The following RAB6B variants were observed in gnomAD, a reference collection of about 807,000 sequenced individuals.
RAB6B encodes the protein ras-related protein Rab-6B.
In RAB6B, 7 loss-of-function variants were observed where a neutral mutation model predicts 31.2. The observed-to-expected ratio is 0.22, with a 90% CI of 0.13 to 0.42. The LOEUF (loss-of-function observed/expected upper bound fraction) is 0.42, where lower values mean the gene tolerates loss of function less well. Ranked by LOEUF, RAB6B falls within the 10% of genes least tolerant of loss-of-function variation. The probability of loss-of-function intolerance (pLI) is 1.00; values close to 1 mark genes in which losing one functional copy is unlikely to be tolerated. For missense variants in RAB6B, 149 were observed against 280.6 expected (o/e 0.53, Z 3.35); for synonymous variants, 105 against 104.9 (o/e 1.00, Z -0.01).
At chr3:133,865,326 C>T (rs886137848) in intron 1 of RAB6B, among the ~76,000 whole-genome samples, 1 of 152,270 alleles carries the variant, frequency 6.6e-6, no homozygotes, top group Admixed American at 6.5e-5. Flanking sequence ...GACACCCCAA[C>T]TGAGAACAAC....
chr3:133,862,658 T>G lies in RAB6B; in HGVS notation c.129+1926A>C, dbSNP rs80082397. ...GGGCAGTAGGAGCAGGGAAGTCGGC[T>G]GGACCACAGGATGGGGGACAAGCAG... On this transcript the variant is annotated intron_variant, in intron 2 of 7. Transcript: ENST00000285208. Among the ~76,000 whole-genome samples the G allele has an allele frequency of 2.6e-3, 392 of 152,214 alleles. 13 individuals carry two copies. The East Asian group carries it at 0.059, about 23-fold the overall frequency.
intron 7 of RAB6B, among the ~76,000 whole-genome samples, chr3:133,834,212 C>G (rs142205575): frequency 1.9e-3 from 283 of 152,208 alleles, no homozygotes; most frequent in African/African-American, 6.5e-3. Context: ...GATCATATCC[C>G]CAGTGACAGA....
At chr3:133,891,028 T>TGGGAGG (rs1936630831) in intron 1 of RAB6B, among the ~76,000 whole-genome samples, 1 of 151,808 alleles carries the variant, frequency 6.6e-6, no homozygotes, top group African/African-American at 2.4e-5. Flanking sequence ...TGGAAATTGG[T>TGGGAGG]GGGAGGAGGA....
intron 1 of RAB6B, 76 bp downstream of exon 1, chr3:133,895,321 G>A (rs2108020117): frequency 6.7e-7 from 1 of 1,491,306 alleles, no homozygotes; most frequent in East Asian, 2.3e-5. Context: ...CCTGGGCCGG[G>A]GGTCCCAATG....
chr3:133,892,778 C>A (rs1936654421), intron 1 of RAB6B, among the ~76,000 whole-genome samples: 1 of 152,212 alleles, frequency 6.6e-6, no homozygotes, highest in African/African-American at 2.4e-5. Flanking sequence ...CGAGCCAGGG[C>A]CAGCGTGAGG....
intron 2 of RAB6B, among the ~76,000 whole-genome samples, chr3:133,862,647 G>C (rs1412225550): frequency 1.3e-5 from 2 of 152,186 alleles, no homozygotes; most frequent in Non-Finnish European, 2.9e-5. Context: ...AGTAGGAGCA[G>C]GGAAGTCGGC....
chr3:133,892,555 C>A (rs1936651052), intron 1 of RAB6B, among the ~76,000 whole-genome samples: 1 of 152,140 alleles, frequency 6.6e-6, no homozygotes, highest in African/African-American at 2.4e-5. Flanking sequence ...AATCCATTGC[C>A]CTTGCCCACC....
Position 133,858,310 on chromosome 3 carries a change from C to T in RAB6B, c.129+6274G>A, listed in dbSNP as rs187005936. 2.2e-3 allele frequency among the ~76,000 whole-genome samples: 332 copies of T among 152,350 alleles called. 4 individuals carry two copies. The highest frequency in any genetic ancestry group is 7.3e-3 in the African/African-American group (305 of 41,576). Reference sequence around the variant, plus strand: ...TAATGAATCCAGCCTGAATTACATTCATCTCTATACCAATGTAGCTGTAAA... The same window carrying T: ...TAATGAATCCAGCCTGAATTACATTTATCTCTATACCAATGTAGCTGTAAA... On this transcript the variant is annotated intron_variant, in intron 2 of 7. Coordinates refer to ENST00000285208, the MANE Select transcript of RAB6B (RefSeq NM_016577.4).
At chr3:133,859,520 T>C (rs573187462) in intron 2 of RAB6B, among the ~76,000 whole-genome samples, 1 of 152,202 alleles carries the variant, frequency 6.6e-6, no homozygotes. Context: ...GTTTTCATCA[T>C]TGGGTCCTAC....
rs1935565493 is a variant in RAB6B, at chr3:133,826,486, G to C, written c.*2302C>G. On this transcript the variant is annotated 3_prime_UTR_variant, in exon 8 of 8. Coordinates refer to ENST00000285208, the MANE Select transcript of RAB6B (RefSeq NM_016577.4). Reference sequence around the variant, plus strand: ...ACCCAGTGCAGATTCCTGTAAATGGGGCGGTCTCAGAGGCCACAGGTGATG... The same window carrying C: ...ACCCAGTGCAGATTCCTGTAAATGGCGCGGTCTCAGAGGCCACAGGTGATG... 1 of 152,644 alleles carries C rather than the reference G, an allele frequency of 6.6e-6. No individual in the cohort carries two copies. Among genetic ancestry groups the C allele is most frequent in the Admixed American group, 6.5e-5 (1 of 15,290 alleles). 9.5% of individuals were successfully genotyped at this position (152,644 alleles called of 1,614,324 possible). A position where few individuals can be genotyped will look rare whatever the true frequency, so the allele number is the denominator to read the frequency against.
chr3:133,883,129 G>A (rs866706395), intron 1 of RAB6B, among the ~76,000 whole-genome samples: 1 of 152,216 alleles, frequency 6.6e-6, no homozygotes, highest in East Asian at 1.9e-4. Flanking sequence ...ACTCACAGCA[G>A]CCCAGAGACA....
At chr3:133,851,402 G>T (rs1935982528) in intron 2 of RAB6B, among the ~76,000 whole-genome samples, 1 of 152,230 alleles carries the variant, frequency 6.6e-6, no homozygotes, top group South Asian at 2.1e-4. Flanking sequence ...TGGAGCCAAA[G>T]AACTGATAAA....
At chr3:133,883,923 G>A (rs1437384876) in intron 1 of RAB6B, among the ~76,000 whole-genome samples, 1 of 152,206 alleles carries the variant, frequency 6.6e-6, no homozygotes, top group African/African-American at 2.4e-5. Flanking sequence ...AGAGGAGGCT[G>A]GAAGAGGTCA....
chr3:133,862,228 T>C (rs934672758), intron 2 of RAB6B, among the ~76,000 whole-genome samples: 1 of 152,154 alleles, frequency 6.6e-6, no homozygotes, highest in African/African-American at 2.4e-5. Context: ...CCTCTTGATC[T>C]GATGGGTCTA....
intron 2 of RAB6B, among the ~76,000 whole-genome samples, chr3:133,864,136 G>A (rs1453473669): frequency 6.7e-5 from 10 of 149,128 alleles, no homozygotes; most frequent in East Asian, 4.1e-4. Context: ...GTGTGTGTGC[G>A]CGCGTGTGTG....
chr3:133,845,267 C>T (rs1417234835), intron 2 of RAB6B, among the ~76,000 whole-genome samples: 2 of 152,228 alleles, frequency 1.3e-5, no homozygotes, highest in Non-Finnish European at 2.9e-5. Flanking sequence ...TTAAAAGGCA[C>T]ATCCTTTGGG....
At chr3:133,836,394 C>CTCTAGGATCAGGTATGTGTT (rs1935735283) in intron 6 of RAB6B, among the ~76,000 whole-genome samples, 2 of 151,568 alleles carry the variant, frequency 1.3e-5, no homozygotes, top group Admixed American at 6.6e-5. Context: ...TTGAAGGGTG[C>CTCTAGGATCAGGTATGTGTT]TCTAGGATCA....
chr3:133,850,931 C>G (rs543886420), intron 2 of RAB6B, among the ~76,000 whole-genome samples: 1 of 149,648 alleles, frequency 6.7e-6, no homozygotes, highest in Non-Finnish European at 1.5e-5. Context: ...ACACACCTCA[C>G]GCAAGGAAAT....
chr3:133,889,931 T>G (rs961351072), intron 1 of RAB6B, among the ~76,000 whole-genome samples: 8 of 152,176 alleles, frequency 5.3e-5, no homozygotes, highest in African/African-American at 1.9e-4. Flanking sequence ...CACCTTCCTC[T>G]TATACCAAGT....
Sources: gnomAD v4.1 joint callset for allele counts (sites outside exome capture counted in the v4.1 genomes callset) on GRCh38, gnomAD v4.1.1 for gene constraint, MANE v1.5 for transcripts, NCBI Gene and HGNC (gene_info 2026-07-23, HGNC 2026-07-21) for gene names.